Variants in ELAVL3 observed in about 807,000 individuals in gnomAD.
ELAVL3 encodes ELAV like RNA binding protein 3.
Under a neutral mutation model 34.2 loss-of-function variants are expected in ELAVL3, and 8 were observed. That is an observed-to-expected ratio of 0.23 (90% confidence interval 0.14 to 0.42). The LOEUF (loss-of-function observed/expected upper bound fraction) is 0.42, where lower values mean the gene tolerates loss of function less well. Ranked by LOEUF, ELAVL3 falls within the 10% of genes least tolerant of loss-of-function variation. The pLI, the probability that ELAVL3 is intolerant of heterozygous loss-of-function variation, is 1.00. For missense variants in ELAVL3, 273 were observed against 518.8 expected (o/e 0.53, Z 4.60); for synonymous variants, 209 against 222.1 (o/e 0.94, Z 0.53).
At position 11,466,391 on chromosome 19, in the gene ELAVL3, G is replaced by T; in HGVS notation, c.230-116C>A. 3.6e-6 allele frequency: 4 copies of T among 1,108,232 alleles called. No individual in the cohort carries two copies. In the Admixed American group the frequency reaches 5.9e-5, roughly 16 times the overall value. 68.6% of individuals were successfully genotyped at this position (1,108,232 alleles called of 1,614,324 possible). A position where few individuals can be genotyped will look rare whatever the true frequency, so the allele number is the denominator to read the frequency against. ...CCAAGTTTCCACCTTCCTGTTTCCA[G>T]ATGACACCTTCGATGCTAGAGTCCC... On this transcript the variant is annotated intron_variant, in intron 2 of 6. Transcript: ENST00000359227. This position sits in a 1 kb window ranked among gnomAD's most constrained non-coding sequence, Gnocchi z 5.0.
intron 1 of ELAVL3, among the ~76,000 whole-genome samples, chr19:11,475,780 A>AT: frequency 6.6e-6 from 1 of 151,944 alleles, no homozygotes; most frequent in African/African-American, 2.4e-5. Context: ...TGCACAGTGA[A>AT]TTTTTTGTAT....
chr19:11,457,037 G>A, intron 6 of ELAVL3, 73 bp downstream of exon 6: 1 of 1,342,338 alleles, frequency 7.4e-7, no homozygotes, highest in Middle Eastern at 1.8e-4. Context: ...CAGCCCTGGG[G>A]GTGAGCTGGG....
rs1555734226 is a variant in ELAVL3, at chr19:11,473,384, G to GA, written c.10-6558dup. Among the ~76,000 whole-genome samples the GA allele has an allele frequency of 2.6e-5, 4 of 152,056 alleles. No individual in the cohort carries two copies. The East Asian group carries it at 7.7e-4, about 29-fold the overall frequency. ...CCTCTCAAAAAAAGAAAAGAGAAAA[G>GA]AAAAGAAAAAGAAAAAGAAATCACA... On this transcript the variant is annotated intron_variant, in intron 1 of 6. Coordinates refer to ENST00000359227, the MANE Select transcript of ELAVL3 (RefSeq NM_001420.4).
rs959932314 is a variant in ELAVL3 at position 11,464,117 on chromosome 19, C to G, written c.333+2055G>C. Among the ~76,000 whole-genome samples the G allele has an allele frequency of 1.7e-4, 21 of 127,184 alleles. 1 individual carries two copies. Among genetic ancestry groups the G allele is most frequent in the Non-Finnish European group, 2.6e-4 (17 of 64,598 alleles). 83.4% of individuals were successfully genotyped at this position (127,184 alleles called of 152,430 possible). A position where few individuals can be genotyped will look rare whatever the true frequency, so the allele number is the denominator to read the frequency against. On this transcript the variant is annotated intron_variant, in intron 3 of 6. Transcript: ENST00000359227. The stretch of plus-strand genomic sequence containing the variant: ...TCTCTCCCTCTCTCTCTCTCTGTCT[C>G]TCTCTGTCTCTCTCTCTCTCTCTCT...
chr19:11,471,622 AAAT>A lies in ELAVL3; in HGVS notation c.10-4798_10-4796del, dbSNP rs1971166522. Among the ~76,000 whole-genome samples the A allele has an allele frequency of 2.7e-5, 4 of 149,696 alleles. No homozygotes were observed. In the South Asian group the frequency reaches 6.3e-4, roughly 24 times the overall value. On this transcript the variant is annotated intron_variant, in intron 1 of 6. Transcript: ENST00000359227. ...AGAGAGACTCTGTCTCAAAAAAAAA[AAAT>A]TTTTTTTTTGTAGAGATGGGGTGTC...
At position 11,454,577 on chromosome 19, in the gene ELAVL3, G is replaced by C; in HGVS notation, c.1053C>G (p.Gly351=). ...TGAAGGAGACCTGCAGCACGCGCTC[G>C]CCCAGGCGATAGCCGTTCAGGCTGG... ...AIASLNGYRL[G]ERVLQVSFKT... Residue 351 remains glycine (G), a synonymous_variant, in exon 7 of 7, where the codon GGC becomes GGG. Transcript: ENST00000359227. The surrounding 1 kb of genome is among the most constrained non-coding windows in gnomAD (Gnocchi z 9.2). 1 of 1,614,074 alleles carries C rather than the reference G, an allele frequency of 6.2e-7. No individual in the cohort carries two copies. Among genetic ancestry groups the C allele is most frequent in the Non-Finnish European group, 8.5e-7 (1 of 1,179,962 alleles).
chr19:11,454,446 C>A lies in ELAVL3; in HGVS notation c.*80G>T. 2 of 1,312,470 alleles carry A rather than the reference C, an allele frequency of 1.5e-6. No individual in the cohort carries two copies. The highest frequency in any genetic ancestry group is 2.0e-6 in the Non-Finnish European group (2 of 977,194). 81.3% of individuals were successfully genotyped at this position (1,312,470 alleles called of 1,614,324 possible). ...GCTGCCTGTGCTGTCTCTCTTGGGCCCCTTCTCTCTCTCTCTCTCTCTTTC... is the reference window on the plus strand; with the variant it reads ...GCTGCCTGTGCTGTCTCTCTTGGGCACCTTCTCTCTCTCTCTCTCTCTTTC... On this transcript the variant is annotated 3_prime_UTR_variant, in exon 7 of 7. Transcript: ENST00000359227. The surrounding 1 kb of genome is among the most constrained non-coding windows in gnomAD (Gnocchi z 9.2).
intron 3 of ELAVL3, among the ~76,000 whole-genome samples, chr19:11,463,505 C>T (rs766176823): frequency 4.6e-5 from 7 of 152,082 alleles, no homozygotes; most frequent in South Asian, 2.1e-4. Context: ...CCCATCACAG[C>T]GCAGCACAAA....
chr19:11,479,718 G>C, intron 1 of ELAVL3, among the ~76,000 whole-genome samples: 1 of 151,606 alleles, frequency 6.6e-6, no homozygotes, highest in East Asian at 2.0e-4. Flanking sequence ...GAGGGGCTGC[G>C]CGCTCGGGAG....
intron 1 of ELAVL3, among the ~76,000 whole-genome samples, chr19:11,479,001 G>C (rs1474213762): frequency 6.6e-6 from 1 of 152,182 alleles, no homozygotes; most frequent in East Asian, 1.9e-4. Context: ...CTCCCAGCCT[G>C]TCCCCATGAT....
In ELAVL3 at chr19:11,466,025, T is replaced by C. The variant is rs1454454347; in HGVS notation, c.333+147A>G. ...CATTGCCCCCACCCCAGCTAGGAAG[T>C]CTTGGAGGGGAGATTTGAGCCCCTC... On this transcript the variant is annotated intron_variant, in intron 3 of 6. Coordinates refer to ENST00000359227, the MANE Select transcript of ELAVL3 (RefSeq NM_001420.4). The surrounding 1 kb of genome is among the most constrained non-coding windows in gnomAD (Gnocchi z 5.0). 1.4e-6 allele frequency: 1 copy of C among 722,948 alleles called. No homozygotes were observed. Among genetic ancestry groups the C allele is most frequent in the Non-Finnish European group, 2.4e-6 (1 of 420,230 alleles). 44.8% of individuals were successfully genotyped at this position (722,948 alleles called of 1,614,324 possible). A position where few individuals can be genotyped will look rare whatever the true frequency, so the allele number is the denominator to read the frequency against.
chr19:11,457,069 G>A (rs779800246), intron 6 of ELAVL3, 41 bp downstream of exon 6: 2 of 1,288,926 alleles, frequency 1.6e-6, no homozygotes, highest in Non-Finnish European at 2.0e-6. Context: ...CAGGGGCATG[G>A]ATGGTGAGGG....
intron 1 of ELAVL3, among the ~76,000 whole-genome samples, chr19:11,474,701 T>C (rs1214959305): frequency 6.6e-6 from 1 of 152,200 alleles, no homozygotes. Context: ...AGTGCAGTTA[T>C]TATTCACAGG....
Position 11,451,809 on chromosome 19 carries a change from G to T in ELAVL3, c.*2717C>A, listed in dbSNP as rs542073024. The T allele has an allele frequency of 0.015, 2,305 of 152,030 alleles. 37 individuals carry two copies. Among genetic ancestry groups the T allele is most frequent in the East Asian group, 0.078 (404 of 5,148 alleles). The allele number at this position is 152,030 out of a possible 1,614,324, so 9.4% of individuals were successfully genotyped here. A position where few individuals can be genotyped will look rare whatever the true frequency, so the allele number is the denominator to read the frequency against. ...AGGGGCCTAGGCCTCGGTGGGGGGGGGGTGTGTGGGGAGGTGCCCCCTCTC... is the reference window on the plus strand; with the variant it reads ...AGGGGCCTAGGCCTCGGTGGGGGGGTGGTGTGTGGGGAGGTGCCCCCTCTC... On this transcript the variant is annotated 3_prime_UTR_variant, in exon 7 of 7. Transcript: ENST00000359227.
At position 11,451,514 on chromosome 19, in the gene ELAVL3, T is replaced by TA. The variant is rs1970631204; in HGVS notation, c.*3011_*3012insT. 1.3e-5 allele frequency: 2 copies of TA among 148,864 alleles called. No individual in the cohort carries two copies. Among genetic ancestry groups the TA allele is most frequent in the Non-Finnish European group, 3.0e-5 (2 of 67,142 alleles). The allele number at this position is 148,864 out of a possible 1,614,324, so 9.2% of individuals were successfully genotyped here. ...TTTGTCTTTTTTTTTTTTTTTTTTT[T>TA]TACAGTTTTTTATCACCTCCAACAT... On this transcript the variant is annotated 3_prime_UTR_variant, in exon 7 of 7. Transcript: ENST00000359227.
chr19:11,466,904 G>T lies in ELAVL3; in HGVS notation c.10-77C>A. Reference sequence around the variant, plus strand: ...CTGCGGCAATGAGTGGCTTGGTGGTGATGAATTAGCCATGTCTTATAGGGG... The same window carrying T: ...CTGCGGCAATGAGTGGCTTGGTGGTTATGAATTAGCCATGTCTTATAGGGG... On this transcript the variant is annotated intron_variant, in intron 1 of 6. Transcript: ENST00000359227. This position sits in a 1 kb window ranked among gnomAD's most constrained non-coding sequence, Gnocchi z 5.0. 7.8e-7 allele frequency: 1 copy of T among 1,280,086 alleles called. No homozygotes were observed. Among genetic ancestry groups the T allele is most frequent in the Non-Finnish European group, 1.1e-6 (1 of 915,160 alleles). The allele number at this position is 1,280,086 out of a possible 1,614,324, so 79.3% of individuals were successfully genotyped here.
intron 1 of ELAVL3, among the ~76,000 whole-genome samples, chr19:11,473,848 T>C (rs962159359): frequency 6.6e-6 from 1 of 152,222 alleles, no homozygotes; most frequent in Admixed American, 6.5e-5. Context: ...TACTTAGTGC[T>C]TCTGAGCCTC....
rs1970661489 is a variant in ELAVL3, at chr19:11,452,206, C to G, written c.*2320G>C. ...CCCGCGTGCCACTCGGCTACCATTA[C>G]TGTTATTAATAATTATTATTACTTT... is the stretch of plus-strand genomic sequence containing the variant. On this transcript the variant is annotated 3_prime_UTR_variant, in exon 7 of 7. Coordinates refer to ENST00000359227, the MANE Select transcript of ELAVL3 (RefSeq NM_001420.4). 1.3e-5 allele frequency: 2 copies of G among 152,248 alleles called. No individual in the cohort carries two copies. The highest frequency in any genetic ancestry group is 4.8e-5 in the African/African-American group (2 of 41,476). 9.4% of individuals were successfully genotyped at this position (152,248 alleles called of 1,614,324 possible).
At chr19:11,474,362 C>T (rs1032650001) in intron 1 of ELAVL3, among the ~76,000 whole-genome samples, 7 of 152,034 alleles carry the variant, frequency 4.6e-5, no homozygotes, top group Non-Finnish European at 7.4e-5. Flanking sequence ...TTTGGGAGGC[C>T]GAGGCAGGCA....
Sources: gnomAD v4.1 joint callset for allele counts (sites outside exome capture counted in the v4.1 genomes callset) on GRCh38, gnomAD v4.1.1 for gene constraint, Gnocchi (gnomAD v3.1) non-coding constraint, MANE v1.5 for transcripts, NCBI Gene and HGNC (gene_info 2026-07-23, HGNC 2026-07-21) for gene names.